ENTPD1: variants seen among roughly 807,000 people sequenced by gnomAD.
ENTPD1 encodes the protein ATP diphosphohydrolase.
A neutral mutation model predicts 57.0 loss-of-function variants in ENTPD1; 33 were observed. The observed-to-expected ratio is 0.58, with a 90% CI of 0.44 to 0.77. The LOEUF is 0.77. Among genes scored for constraint, ENTPD1 ranks in the 30% least tolerant of loss-of-function variants. ENTPD1 has a pLI of 0.00. For synonymous variants in ENTPD1, 202 were observed against 218.8 expected (o/e 0.92, Z 0.68); for missense variants, 501 against 603.4 (o/e 0.83, Z 1.78).
At chr10:95,770,256 A>AGTGTGTGTGTGT (rs1555282687) in intron 1 of ENTPD1, among the ~76,000 whole-genome samples, 1,637 of 135,060 alleles carry the variant, frequency 0.012, 17 homozygotes, top group African/African-American at 0.019. Context: ...TGAGTGAGTG[A>AGTGTGTGTGTGT]GTGTGTGTGT....
At position 95,868,295 on chromosome 10, in the gene ENTPD1, T is replaced by C. The variant is rs538979590; in HGVS notation, c.*1912T>C. ...CCAAGCATGCACTTAAAACTCCACA[T>C]GAATACAAGGTTCATGGGACTTGGT... is the stretch of plus-strand genomic sequence containing the variant. On this transcript the variant is annotated 3_prime_UTR_variant, in exon 10 of 10. Coordinates refer to ENST00000371205, the MANE Select transcript of ENTPD1 (RefSeq NM_001776.6). The C allele has an allele frequency of 1.0e-6, 1 of 985,452 alleles. No individual in the cohort carries two copies. The highest frequency in any genetic ancestry group is 4.7e-5 in the South Asian group (1 of 21,288). The allele number at this position is 985,452 out of a possible 1,614,324, so 61.0% of individuals were successfully genotyped here. A position where few individuals can be genotyped will look rare whatever the true frequency, so the allele number is the denominator to read the frequency against.
the ENTPD1 span, among the ~76,000 whole-genome samples, chr10:95,701,270 G>C: frequency 2.6e-5 from 4 of 152,028 alleles, no homozygotes; most frequent in African/African-American, 9.7e-5. Context: ...AGACCAGCCG[G>C]GCAACATAGT....
intron 1 of ENTPD1, among the ~76,000 whole-genome samples, chr10:95,789,937 A>C (rs1189933481): frequency 6.6e-6 from 1 of 152,214 alleles, no homozygotes; most frequent in Non-Finnish European, 1.5e-5. Context: ...TTGCAGTAAA[A>C]AGTGATCTCT....
At chr10:95,860,435 G>C in intron 7 of ENTPD1, 34 bp from the exon 8 acceptor site, 4 of 1,571,580 alleles carry the variant, frequency 2.5e-6, no homozygotes, top group Non-Finnish European at 3.5e-6. Flanking sequence ...CCTCTGTGTG[G>C]AACACAGCCT....
At chr10:95,694,405 C>T in the ENTPD1 span, among the ~76,000 whole-genome samples, 4 of 137,818 alleles carry the variant, frequency 2.9e-5, no homozygotes, top group Non-Finnish European at 6.2e-5. Flanking sequence ...ACAGTCTCCT[C>T]TAAATATGGC....
chr10:95,836,716 T>G (rs2098410593), intron 2 of ENTPD1, among the ~76,000 whole-genome samples: 1 of 152,202 alleles, frequency 6.6e-6, no homozygotes, highest in Admixed American at 6.5e-5. Flanking sequence ...ATGAACATTC[T>G]CCAGACTTCT....
chr10:95,764,401 TA>T (rs1321433590), intron 1 of ENTPD1, among the ~76,000 whole-genome samples: 1 of 152,214 alleles, frequency 6.6e-6, no homozygotes, highest in African/African-American at 2.4e-5. Context: ...TTTGGTTATA[TA>T]CCTAGGAGCA....
intron 1 of ENTPD1, among the ~76,000 whole-genome samples, chr10:95,758,002 C>CA (rs57407553): frequency 0.099 from 2,597 of 26,276 alleles, 250 homozygotes; most frequent in Non-Finnish European, 0.16. Flanking sequence ...GACACTGTCT[C>CA]AAAAAAAAAA....
At chr10:95,864,989 C>A in intron 9 of ENTPD1, 128 bp downstream of exon 9, 2 of 1,124,612 alleles carry the variant, frequency 1.8e-6, no homozygotes, top group Non-Finnish European at 2.5e-6. Flanking sequence ...TTCTGCCATT[C>A]TGCTTCAAAC....
Position 95,823,859 on chromosome 10 carries a change from T to C in ENTPD1, c.144+495T>C, listed in dbSNP as rs554032002. 3.9e-5 allele frequency among the ~76,000 whole-genome samples: 6 copies of C among 152,318 alleles called. No individual in the cohort carries two copies. In the South Asian group the frequency reaches 6.2e-4, roughly 16 times the overall value. On this transcript the variant is annotated intron_variant, in intron 2 of 9. Transcript: ENST00000371205. ...ACATGTTTCTTATCTCCAGATATAGTAAAGAATCAAAATCAATAAAAGCAA... is the reference window on the plus strand; with the variant it reads ...ACATGTTTCTTATCTCCAGATATAGCAAAGAATCAAAATCAATAAAAGCAA...
intron 1 of ENTPD1, among the ~76,000 whole-genome samples, chr10:95,727,811 TATC>T (rs2097985251): frequency 6.6e-6 from 1 of 152,220 alleles, no homozygotes; most frequent in South Asian, 2.1e-4. Flanking sequence ...GCTGCAATAA[TATC>T]ATCTACCTAA....
intron 1 of ENTPD1, among the ~76,000 whole-genome samples, chr10:95,730,555 G>GAA (rs5787156): frequency 6.6e-6 from 1 of 152,046 alleles, no homozygotes; most frequent in East Asian, 1.9e-4. Flanking sequence ...AAATAATGGG[G>GAA]AAAAAACTAT....
chr10:95,752,762 C>G (rs757201174), upstream of ENTPD1, among the ~76,000 whole-genome samples: 2 of 152,098 alleles, frequency 1.3e-5, no homozygotes, highest in African/African-American at 4.8e-5. Flanking sequence ...AAACTCCAGG[C>G]CTCCAGACAA....
rs201640139 is a variant in ENTPD1, at chr10:95,845,375, A to T, written c.592A>T (p.Ile198Leu). 14 of 1,614,108 alleles carry T rather than the reference A, an allele frequency of 8.7e-6. No individual in the cohort carries two copies. Among genetic ancestry groups the T allele is most frequent in the Non-Finnish European group, 1.2e-5 (14 of 1,180,052 alleles). The change falls in exon 6 of 10, where the codon ATA (isoleucine) becomes TTA (leucine). Residue 198 changes from isoleucine to leucine, a missense_variant. Coordinates refer to ENST00000371205, the MANE Select transcript of ENTPD1 (RefSeq NM_001776.6). The part of the protein sequence containing the change: ...KFSQKTRWFS[I>L]VPYETNNQET... Reference sequence around the variant, plus strand: ...CTTTCAGAAAACAAGGTGGTTCAGCATAGTCCCATATGAAACCAATAATCA... The same window carrying T: ...CTTTCAGAAAACAAGGTGGTTCAGCTTAGTCCCATATGAAACCAATAATCA...
chr10:95,710,637 AT>A (rs1170052378), upstream of ENTPD1, among the ~76,000 whole-genome samples: 2 of 152,110 alleles, frequency 1.3e-5, no homozygotes, highest in Non-Finnish European at 2.9e-5. Context: ...CTTTTTAAAA[AT>A]TTTTCTTTAG....
At chr10:95,730,879 T>C (rs1398699228) in intron 1 of ENTPD1, among the ~76,000 whole-genome samples, 3 of 152,386 alleles carry the variant, frequency 2.0e-5, no homozygotes, top group African/African-American at 7.2e-5. Flanking sequence ...CCCATTCTTT[T>C]GATTTTCATA....
chr10:95,864,998 A>T, intron 9 of ENTPD1, 137 bp downstream of exon 9: 1 of 1,072,070 alleles, frequency 9.3e-7, no homozygotes, highest in Non-Finnish European at 1.3e-6. Flanking sequence ...TCTGCTTCAA[A>T]CCCTGGCATT....
rs1160810617 is a variant in ENTPD1, at chr10:95,874,115, A to T, written c.*7732A>T. ...TCAAAACCAATCATTCCTTCCCAACAGTTCCCCAAAGTCTTAACTCATTTC... is the reference window on the plus strand; with the variant it reads ...TCAAAACCAATCATTCCTTCCCAACTGTTCCCCAAAGTCTTAACTCATTTC... On this transcript the variant is annotated 3_prime_UTR_variant, in exon 10 of 10. Transcript: ENST00000371205. 6.6e-6 allele frequency among the ~76,000 whole-genome samples: 1 copy of T among 152,148 alleles called. No individual in the cohort carries two copies. The highest frequency in any genetic ancestry group is 1.5e-5 in the Non-Finnish European group (1 of 68,024).
rs1301125908 is a variant in ENTPD1 at position 95,873,556 on chromosome 10, C to A, written c.*7173C>A. 1.0e-6 allele frequency: 1 copy of A among 985,356 alleles called. No homozygotes were observed. Among genetic ancestry groups the A allele is most frequent in the Non-Finnish European group, 1.2e-6 (1 of 829,960 alleles). 61.0% of individuals were successfully genotyped at this position (985,356 alleles called of 1,614,324 possible). ...AGAGTAGGTAGGTTATGCCAGCTCA[C>A]ACGCATCCTTTAAAAATGGTTTAGA... is the stretch of plus-strand genomic sequence containing the variant. On this transcript the variant is annotated 3_prime_UTR_variant, in exon 10 of 10. Transcript: ENST00000371205.
Sources: allele counts gnomAD v4.1 joint callset (sites outside exome capture counted in the v4.1 genomes callset), GRCh38; gene constraint gnomAD v4.1.1; transcripts MANE v1.5; gene names NCBI Gene and HGNC (gene_info 2026-07-23, HGNC 2026-07-21).